The following SEPTIN9 variants were observed in gnomAD, a reference collection of about 807,000 sequenced individuals.
SEPTIN9 encodes the protein septin-9.
In SEPTIN9, 13 loss-of-function variants were observed where a neutral mutation model predicts 56.6. The ratio of observed to expected loss-of-function variants is 0.23; its 90% CI spans 0.15 to 0.37. The LOEUF (loss-of-function observed/expected upper bound fraction) is 0.37. SEPTIN9 is among the 10% of genes least tolerant of loss of function. SEPTIN9 has a pLI of 1.00. For missense variants in SEPTIN9, 650 were observed against 823.1 expected (o/e 0.79, Z 2.57); for synonymous variants, 332 against 334.1 (o/e 0.99, Z 0.07).
chr17:77,463,370 C>T (rs376732545), intron 3 of SEPTIN9, among the ~76,000 whole-genome samples: 10 of 152,228 alleles, frequency 6.6e-5, no homozygotes, highest in Non-Finnish European at 1.0e-4. Flanking sequence ...CTGTTTGCCC[C>T]GAGAATACTC....
chr17:77,378,692 T>A (rs1180329763), intron 2 of SEPTIN9, among the ~76,000 whole-genome samples: 1 of 151,798 alleles, frequency 6.6e-6, no homozygotes, highest in Non-Finnish European at 1.5e-5. Flanking sequence ...CGCCTGGGGG[T>A]CCCTCTGAGC....
At chr17:77,298,260 A>C (rs2031900962) in intron 1 of SEPTIN9, among the ~76,000 whole-genome samples, 1 of 152,246 alleles carries the variant, frequency 6.6e-6, no homozygotes, top group Admixed American at 6.5e-5. Flanking sequence ...CATTTACAGC[A>C]ATGTGAGGGA....
rs534060647 is a variant in SEPTIN9, at chr17:77,494,892, C to T, written c.1573+1816C>T. On this transcript the variant is annotated intron_variant, in intron 10 of 11. Coordinates refer to ENST00000427177, the MANE Select transcript of SEPTIN9 (RefSeq NM_001113491.2). The stretch of plus-strand genomic sequence containing the variant: ...CACCACCCCTGCCGGGCCCACCCTG[C>T]GGGAGCTGCCCAGCTGGGTGCAGCC... Among the ~76,000 whole-genome samples the T allele has an allele frequency of 4.6e-5, 7 of 152,340 alleles. No individual in the cohort carries two copies. The South Asian group carries it at 1.5e-3, about 32-fold the overall frequency.
chr17:77,419,921 T>G (rs2036639430), intron 3 of SEPTIN9: 1 of 152,228 alleles, frequency 6.6e-6, no homozygotes, highest in South Asian at 2.1e-4. Flanking sequence ...AACCACCCAT[T>G]GGGTGCGGTG....
intron 3 of SEPTIN9, among the ~76,000 whole-genome samples, chr17:77,410,958 A>G (rs56377273): frequency 0.072 from 11,008 of 151,858 alleles, 1,204 homozygotes; most frequent in African/African-American, 0.23. Flanking sequence ...GGTGGCGGGC[A>G]CCTGTAGTCC....
chr17:77,291,031 A>ATTT (rs869237556), intron 1 of SEPTIN9, among the ~76,000 whole-genome samples: 6 of 108,782 alleles, frequency 5.5e-5, no homozygotes, highest in Non-Finnish European at 7.4e-5. Context: ...TGCCTGGCTA[A>ATTT]TTTTTTTTTT....
At chr17:77,440,280 A>G (rs1354963093) in intron 3 of SEPTIN9, among the ~76,000 whole-genome samples, 1 of 151,464 alleles carries the variant, frequency 6.6e-6, no homozygotes, top group African/African-American at 2.4e-5. Flanking sequence ...TCAGCCTCCT[A>G]AGTAGCTGGG....
chr17:77,293,333 T>TG (rs1159288197), intron 1 of SEPTIN9, among the ~76,000 whole-genome samples: 2 of 152,120 alleles, frequency 1.3e-5, no homozygotes, highest in African/African-American at 2.4e-5. Flanking sequence ...TTTGTATTTT[T>TG]TGTGTGTGTG....
intron 2 of SEPTIN9, among the ~76,000 whole-genome samples, chr17:77,399,871 T>C (rs917773642): frequency 5.3e-5 from 8 of 152,342 alleles, no homozygotes; most frequent in African/African-American, 1.4e-4. Context: ...TGGGGCTCAG[T>C]GTCCTGCTGC....
chr17:77,341,765 A>G (rs1330683923), intron 2 of SEPTIN9, among the ~76,000 whole-genome samples: 1 of 136,928 alleles, frequency 7.3e-6, no homozygotes, highest in African/African-American at 2.8e-5. Flanking sequence ...AGCCTGGGCA[A>G]CAGAGCGAGA....
chr17:77,343,631 A>AC (rs2033804695), intron 2 of SEPTIN9, among the ~76,000 whole-genome samples: 2 of 152,210 alleles, frequency 1.3e-5, no homozygotes, highest in South Asian at 2.1e-4. Context: ...CTGGTGTCTT[A>AC]CCACTTGCGA....
At position 77,466,776 on chromosome 17, in the gene SEPTIN9, A is replaced by T. The variant is rs553148048; in HGVS notation, c.722-15368A>T. On this transcript the variant is annotated intron_variant, in intron 3 of 11. Transcript: ENST00000427177. ...GCTCTGATTTCAGAAGGCACAACTG[A>T]TGACTTTAGGGAACGGAGAATCTGA... Among the ~76,000 whole-genome samples, 6 of 152,296 alleles carry T rather than the reference A, an allele frequency of 3.9e-5. No individual in the cohort carries two copies. The East Asian group carries it at 1.2e-3, about 29-fold the overall frequency.
At chr17:77,408,016 C>T (rs999128700) in intron 3 of SEPTIN9, among the ~76,000 whole-genome samples, 1 of 151,878 alleles carries the variant, frequency 6.6e-6, no homozygotes, top group Non-Finnish European at 1.5e-5. Flanking sequence ...CCACACCAGC[C>T]AAGTTTCTCC....
chr17:77,402,816 T>G lies in SEPTIN9; in HGVS notation c.721+113T>G. The stretch of plus-strand genomic sequence containing the variant: ...GGATATGGGGTGGAGGGTGCTACCC[T>G]GGAGACCCAGAAAGACCGGAATGCA... On this transcript the variant is annotated intron_variant, in intron 3 of 11. Coordinates refer to ENST00000427177, the MANE Select transcript of SEPTIN9 (RefSeq NM_001113491.2). The surrounding 1 kb of genome is among the most constrained non-coding windows in gnomAD (Gnocchi z 6.6). The G allele has an allele frequency of 8.9e-7, 1 of 1,123,216 alleles. No individual in the cohort carries two copies. The highest frequency in any genetic ancestry group is 1.2e-6 in the Non-Finnish European group (1 of 809,248). The allele number at this position is 1,123,216 out of a possible 1,614,324, so 69.6% of individuals were successfully genotyped here.
chr17:77,288,957 C>T (rs561105359), intron 1 of SEPTIN9, among the ~76,000 whole-genome samples: 2 of 152,348 alleles, frequency 1.3e-5, no homozygotes, highest in South Asian at 2.1e-4. Context: ...TTGCCTCCAG[C>T]ATCAGAGACC....
chr17:77,382,941 C>T (rs1158385933), intron 2 of SEPTIN9, among the ~76,000 whole-genome samples: 1 of 152,118 alleles, frequency 6.6e-6, no homozygotes, highest in Admixed American at 6.5e-5. Flanking sequence ...AATCTTGGGA[C>T]AGCTGGGGTA....
chr17:77,459,399 G>A (rs535034289), intron 3 of SEPTIN9, among the ~76,000 whole-genome samples: 23 of 152,310 alleles, frequency 1.5e-4, no homozygotes, highest in African/African-American at 5.3e-4. Flanking sequence ...ATATCAAGGC[G>A]CTGAGATGCG....
Position 77,402,639 on chromosome 17 carries a change from G to A in SEPTIN9, c.657G>A (p.Leu219=). 1.2e-6 allele frequency: 2 copies of A among 1,613,104 alleles called. No individual in the cohort carries two copies. The highest frequency in any genetic ancestry group is 1.3e-5 in the African/African-American group (1 of 75,032). ...ENSEPAPVSQ[L]QSRLEPKPQP... is the part of the protein sequence containing the mutation. ...CAGAGCCTGCCCCTGTGTCTCAGCTGCAGAGCAGGCTGGAGCCCAAGCCCC... is the reference window on the plus strand; with the variant it reads ...CAGAGCCTGCCCCTGTGTCTCAGCTACAGAGCAGGCTGGAGCCCAAGCCCC... The change falls in exon 3 of 12, where the codon CTG becomes CTA. Residue 219 remains leucine, a synonymous_variant. Coordinates refer to ENST00000427177, the MANE Select transcript of SEPTIN9 (RefSeq NM_001113491.2). This position sits in a 1 kb window ranked among gnomAD's most constrained non-coding sequence, Gnocchi z 6.6.
intron 3 of SEPTIN9, among the ~76,000 whole-genome samples, chr17:77,464,740 A>G (rs568069084): frequency 3.9e-4 from 60 of 151,924 alleles, no homozygotes; most frequent in Admixed American, 3.5e-3. Flanking sequence ...AGCTGGGACT[A>G]CAGGTGCCCA....
Sources: allele counts gnomAD v4.1 joint callset (sites outside exome capture counted in the v4.1 genomes callset), GRCh38; gene constraint gnomAD v4.1.1; non-coding constraint Gnocchi (gnomAD v3.1); transcripts MANE v1.5; gene names NCBI Gene and HGNC (gene_info 2026-07-23, HGNC 2026-07-21).